Variants in HYDIN observed in about 807,000 individuals in gnomAD.
HYDIN encodes the protein axonemal central pair apparatus protein HYDIN.
HYDIN carries 132 observed loss-of-function variants against 403.9 expected under a neutral mutation model. That is an observed-to-expected ratio of 0.33 (90% confidence interval 0.28 to 0.38). The LOEUF (loss-of-function observed/expected upper bound fraction) is 0.38. Ranked by LOEUF, HYDIN falls within the 10% of genes least tolerant of loss-of-function variation. The pLI is 1.00. For missense variants in HYDIN, 2,827 were observed against 5,009.5 expected, an observed-to-expected ratio of 0.56 and a Z score of 13.15; for synonymous variants, 1,202 against 1,891.7, an observed-to-expected ratio of 0.64 and a Z score of 9.46.
chr16:70,817,227 T>G (rs2035897267), intron 84 of HYDIN: 1 of 151,906 alleles, frequency 6.6e-6, no homozygotes, highest in South Asian at 2.1e-4. Flanking sequence ...CAAGGGTTGG[T>G]GAAGACGTTG....
At chr16:71,183,122 T>C (rs909252433) in intron 3 of HYDIN, among the ~76,000 whole-genome samples, 3 of 152,038 alleles carry the variant, frequency 2.0e-5, no homozygotes, top group Admixed American at 6.6e-5. Flanking sequence ...TTCTAGATAA[T>C]GGTGGCTTAA....
intron 1 of HYDIN, among the ~76,000 whole-genome samples, chr16:71,212,876 T>G (rs1020657717): frequency 1.1e-4 from 16 of 151,858 alleles, no homozygotes; most frequent in African/African-American, 3.6e-4. Context: ...GGGGAAAAAG[T>G]CGTATCTAGA....
At chr16:71,047,219 C>T (rs1238928888) in intron 18 of HYDIN, among the ~76,000 whole-genome samples, 2 of 151,954 alleles carry the variant, frequency 1.3e-5, no homozygotes, top group African/African-American at 2.4e-5. Flanking sequence ...CAAACTCCCT[C>T]CTTTAATTTT....
At chr16:71,178,818 TA>T (rs2086789288) in intron 4 of HYDIN, 109 bp downstream of exon 4, 1 of 897,706 alleles carries the variant, frequency 1.1e-6, no homozygotes, top group African/African-American at 1.7e-5. Flanking sequence ...ACTATTTTCC[TA>T]AGTCTATCAA....
chr16:71,032,253 C>A (rs4788730), intron 18 of HYDIN, among the ~76,000 whole-genome samples: 2 of 151,098 alleles, frequency 1.3e-5, no homozygotes, highest in Non-Finnish European at 2.9e-5. Context: ...AGGCACAATA[C>A]TCTTTATGGA....
chr16:70,942,113 C>T (rs915289220), intron 42 of HYDIN, among the ~76,000 whole-genome samples: 6 of 146,568 alleles, frequency 4.1e-5, no homozygotes, highest in African/African-American at 1.5e-4. Flanking sequence ...CAACCTCTGT[C>T]TCCCGGGTTC....
chr16:71,153,652 G>A (rs2085634305), intron 6 of HYDIN, among the ~76,000 whole-genome samples: 1 of 149,836 alleles, frequency 6.7e-6, no homozygotes, highest in Non-Finnish European at 1.5e-5. Context: ...AATGCGAGTC[G>A]AGGGCTGTTG....
At chr16:71,213,252 G>A (rs973613931) in intron 1 of HYDIN, among the ~76,000 whole-genome samples, 5 of 152,074 alleles carry the variant, frequency 3.3e-5, no homozygotes, top group Non-Finnish European at 7.4e-5. Context: ...AATGGCGGGG[G>A]AAACATGGTC....
At chr16:70,819,068 C>A (rs1228278979) in intron 83 of HYDIN, among the ~76,000 whole-genome samples, 8 of 150,188 alleles carry the variant, frequency 5.3e-5, no homozygotes, top group Non-Finnish European at 1.2e-4. Flanking sequence ...GCGCCTGCCA[C>A]CATGCCTGGC....
intron 52 of HYDIN, among the ~76,000 whole-genome samples, chr16:70,901,581 TTTC>T (rs1267932093): frequency 8.0e-6 from 1 of 125,276 alleles, no homozygotes; most frequent in Non-Finnish European, 1.7e-5. Context: ...ATATATTTTC[TTTC>T]TTTTTTTTTT....
At chr16:71,087,512 G>A (rs1006891625) in intron 12 of HYDIN, among the ~76,000 whole-genome samples, 4 of 137,816 alleles carry the variant, frequency 2.9e-5, no homozygotes, top group Non-Finnish European at 4.7e-5. Flanking sequence ...GTTACATTCC[G>A]AGGTACTGGG....
chr16:71,204,724 AT>A (rs2088202210), intron 1 of HYDIN, among the ~76,000 whole-genome samples: 1 of 152,202 alleles, frequency 6.6e-6, no homozygotes, highest in Admixed American at 6.5e-5. Context: ...GTTGGTAAAT[AT>A]TGAGAGGAAA....
At chr16:71,058,853 C>T (rs952923897) in intron 18 of HYDIN, among the ~76,000 whole-genome samples, 3 of 151,498 alleles carry the variant, frequency 2.0e-5, no homozygotes, top group African/African-American at 7.3e-5. Context: ...CCCTTCTCTC[C>T]CTCCTCCTCC....
intron 21 of HYDIN, among the ~76,000 whole-genome samples, chr16:71,021,382 A>G (rs1040687851): frequency 2.0e-5 from 3 of 151,326 alleles, no homozygotes; most frequent in Non-Finnish European, 3.0e-5. Flanking sequence ...ATGCCCAGCT[A>G]ATTTTTGTAT....
intron 41 of HYDIN, among the ~76,000 whole-genome samples, chr16:70,950,872 C>A (rs984230529): frequency 1.3e-5 from 2 of 152,148 alleles, no homozygotes; most frequent in East Asian, 1.9e-4. Flanking sequence ...TAAGAGCACA[C>A]CCCCTCTCCT....
intron 5 of HYDIN, among the ~76,000 whole-genome samples, chr16:71,163,184 G>A (rs1251339490): frequency 1.0e-4 from 15 of 148,158 alleles, no homozygotes; most frequent in Middle Eastern, 3.5e-3. Flanking sequence ...GTGCAGTGGC[G>A]CAATCTCTGC....
chr16:70,981,662 A>G, intron 28 of HYDIN, 94 bp from the exon 29 acceptor site: 1 of 1,437,732 alleles, frequency 7.0e-7, no homozygotes, highest in Non-Finnish European at 9.2e-7. Flanking sequence ...ACAATGACAA[A>G]GTAAACCTAA....
At chr16:71,182,574 C>G (rs1373499766) in intron 3 of HYDIN, among the ~76,000 whole-genome samples, 1 of 151,924 alleles carries the variant, frequency 6.6e-6, no homozygotes, top group Non-Finnish European at 1.5e-5. Flanking sequence ...GTATGAAAAG[C>G]AGGAAGAAAG....
chr16:71,016,698 ATG>A (rs1426418429), intron 23 of HYDIN, among the ~76,000 whole-genome samples: 1 of 145,076 alleles, frequency 6.9e-6, no homozygotes, highest in Non-Finnish European at 1.5e-5. Flanking sequence ...AATAGCCAAG[ATG>A]TAGAAAAAAG....
Sources: gnomAD v4.1 joint callset for allele counts (sites outside exome capture counted in the v4.1 genomes callset) on GRCh38, gnomAD v4.1.1 for gene constraint, MANE v1.5 for transcripts, NCBI Gene and HGNC (gene_info 2026-07-23, HGNC 2026-07-21) for gene names.